Variants in PLCXD3 observed in about 807,000 individuals in gnomAD.
PLCXD3 encodes phosphatidylinositol specific phospholipase C X domain containing 3, also known as PI-PLC X domain-containing protein 3.
PLCXD3 carries 19 observed loss-of-function variants against 25.5 expected under a neutral mutation model. The ratio of observed to expected loss-of-function variants is 0.75; its 90% CI spans 0.52 to 1.09. The LOEUF (loss-of-function observed/expected upper bound fraction) is 1.09. PLCXD3 is among the 50% of genes least tolerant of loss of function. The pLI, the probability that PLCXD3 is intolerant of heterozygous loss-of-function variation, is 0.00. For synonymous variants in PLCXD3, 174 were observed against 137.6 expected, an observed-to-expected ratio of 1.26 and a Z score of -1.85; for missense variants, 411 against 388.1, an observed-to-expected ratio of 1.06 and a Z score of -0.50.
chr5:41,338,070 C>T lies in PLCXD3; in HGVS notation c.813-24300G>A, dbSNP rs550358956. Among the ~76,000 whole-genome samples, 373 of 152,214 alleles carry T rather than the reference C, an allele frequency of 2.5e-3. 2 individuals carry two copies. Among genetic ancestry groups the T allele is most frequent in the African/African-American group, 7.9e-3 (330 of 41,554 alleles). On this transcript the variant is annotated intron_variant, in intron 2 of 2. Coordinates refer to ENST00000377801, the MANE Select transcript of PLCXD3 (RefSeq NM_001005473.3). ...TGTGTCTTAATTTGTAATACATTCT[C>T]CCTCTTCCTTGTATATTTCCTCCTT...
At chr5:41,357,760 A>G (rs1744659481) in intron 2 of PLCXD3, among the ~76,000 whole-genome samples, 1 of 152,234 alleles carries the variant, frequency 6.6e-6, no homozygotes, top group Non-Finnish European at 1.5e-5. Flanking sequence ...CCAAATAAAA[A>G]TAATGATATG....
Position 41,313,095 on chromosome 5 carries a change from C to A in PLCXD3, c.*522G>T, listed in dbSNP as rs1237266744. On this transcript the variant is annotated 3_prime_UTR_variant, in exon 3 of 3. Coordinates refer to ENST00000377801, the MANE Select transcript of PLCXD3 (RefSeq NM_001005473.3). Reference sequence around the variant, plus strand: ...CAGATTTTCTATGACCAAAAATTAGCTATGATTGCCCAACTGTGGATGACT... The same window carrying A: ...CAGATTTTCTATGACCAAAAATTAGATATGATTGCCCAACTGTGGATGACT... The A allele has an allele frequency of 6.5e-6, 1 of 152,834 alleles. No homozygotes were observed. Among genetic ancestry groups the A allele is most frequent in the African/African-American group, 2.4e-5 (1 of 41,444 alleles). 9.5% of individuals were successfully genotyped at this position (152,834 alleles called of 1,614,324 possible).
At chr5:41,444,706 C>A (rs1012019511) in intron 1 of PLCXD3, among the ~76,000 whole-genome samples, 1 of 113,404 alleles carries the variant, frequency 8.8e-6, no homozygotes, top group Non-Finnish European at 2.0e-5. Context: ...GTCAAATGGC[C>A]AATCCCACTT....
intron 2 of PLCXD3, among the ~76,000 whole-genome samples, chr5:41,378,709 G>A (rs1745367926): frequency 6.6e-6 from 1 of 152,004 alleles, no homozygotes; most frequent in Non-Finnish European, 1.5e-5. Flanking sequence ...TATTCCTTAG[G>A]CATTTTACAT....
intron 1 of PLCXD3, among the ~76,000 whole-genome samples, chr5:41,411,225 C>T (rs1187646770): frequency 6.6e-6 from 1 of 152,166 alleles, no homozygotes; most frequent in Non-Finnish European, 1.5e-5. Flanking sequence ...GTATGTCTGG[C>T]ACTATTTCTT....
chr5:41,349,259 G>A (rs1414802966), intron 2 of PLCXD3, among the ~76,000 whole-genome samples: 1 of 152,174 alleles, frequency 6.6e-6, no homozygotes, highest in Non-Finnish European at 1.5e-5. Context: ...GCACTTATTA[G>A]AGGTTGTTAG....
At chr5:41,319,609 G>C (rs1743400633) in intron 2 of PLCXD3, among the ~76,000 whole-genome samples, 1 of 152,040 alleles carries the variant, frequency 6.6e-6, no homozygotes, top group Non-Finnish European at 1.5e-5. Context: ...TACAGCAAAA[G>C]CAGTACTAAG....
chr5:41,492,031 G>A (rs200942217), intron 1 of PLCXD3, among the ~76,000 whole-genome samples: 2,462 of 94,202 alleles, frequency 0.026, 72 homozygotes, highest in East Asian at 0.22. Flanking sequence ...TCCTAGCCTC[G>A]ATGGTCTTTA....
At chr5:41,398,590 C>T (rs76058889) in intron 1 of PLCXD3, among the ~76,000 whole-genome samples, 2,385 of 152,250 alleles carry the variant, frequency 0.016, 63 homozygotes, top group African/African-American at 0.055. Context: ...AATCAACCAA[C>T]ATGGTACGTC....
chr5:41,344,117 C>T (rs1027661402), intron 2 of PLCXD3, among the ~76,000 whole-genome samples: 1 of 152,080 alleles, frequency 6.6e-6, no homozygotes, highest in African/African-American at 2.4e-5. Flanking sequence ...GGAACGATTT[C>T]AGATGGACTT....
intron 1 of PLCXD3, among the ~76,000 whole-genome samples, chr5:41,486,345 C>T (rs1332140147): frequency 6.6e-6 from 1 of 151,996 alleles, no homozygotes; most frequent in African/African-American, 2.4e-5. Flanking sequence ...CTCCCAATCA[C>T]GTGTCACTAT....
At chr5:41,452,463 C>T (rs1004295123) in intron 1 of PLCXD3, among the ~76,000 whole-genome samples, 18 of 152,112 alleles carry the variant, frequency 1.2e-4, no homozygotes, top group Admixed American at 1.2e-3. Context: ...AATGATCCCT[C>T]AGAGCAGGTG....
At chr5:41,421,487 G>A (rs577969920) in intron 1 of PLCXD3, among the ~76,000 whole-genome samples, 2 of 152,018 alleles carry the variant, frequency 1.3e-5, no homozygotes, top group South Asian at 2.1e-4. Flanking sequence ...TGATCACAAG[G>A]TCAGGATATT....
At chr5:41,397,624 A>G (rs1746048950) in intron 1 of PLCXD3, among the ~76,000 whole-genome samples, 1 of 152,136 alleles carries the variant, frequency 6.6e-6, no homozygotes, top group African/African-American at 2.4e-5. Context: ...GAAGAGAGAC[A>G]CAATCCTCCA....
intron 1 of PLCXD3, among the ~76,000 whole-genome samples, chr5:41,431,615 T>C (rs1449542055): frequency 6.6e-6 from 1 of 152,198 alleles, no homozygotes; most frequent in Non-Finnish European, 1.5e-5. Flanking sequence ...TATCACCTTT[T>C]TGTTCTTCAT....
intron 1 of PLCXD3, among the ~76,000 whole-genome samples, chr5:41,410,867 T>C (rs1280109961): frequency 6.6e-6 from 1 of 152,214 alleles, no homozygotes; most frequent in Non-Finnish European, 1.5e-5. Flanking sequence ...GCTAATTGTA[T>C]AAGACGTTGA....
chr5:41,311,872 G>A lies in PLCXD3; in HGVS notation c.*1745C>T, dbSNP rs1743142449. On this transcript the variant is annotated 3_prime_UTR_variant, in exon 3 of 3. Transcript: ENST00000377801. Reference sequence around the variant, plus strand: ...AAGTCTAAGAGATTAAGCCATATGTGCTACATTTAAGTTCATTAAAAGCTG... The same window carrying A: ...AAGTCTAAGAGATTAAGCCATATGTACTACATTTAAGTTCATTAAAAGCTG... 1 of 152,442 alleles carries A rather than the reference G, an allele frequency of 6.6e-6. No homozygotes were observed. The highest frequency in any genetic ancestry group is 1.5e-5 in the Non-Finnish European group (1 of 68,002). 9.4% of individuals were successfully genotyped at this position (152,442 alleles called of 1,614,324 possible).
intron 1 of PLCXD3, among the ~76,000 whole-genome samples, chr5:41,494,170 C>T (rs902255732): frequency 6.6e-6 from 1 of 152,200 alleles, no homozygotes; most frequent in African/African-American, 2.4e-5. Context: ...GTGATCAGAG[C>T]TCACTGGAGC....
chr5:41,491,791 A>T (rs1009943915), intron 1 of PLCXD3, among the ~76,000 whole-genome samples: 3 of 151,880 alleles, frequency 2.0e-5, no homozygotes, highest in African/African-American at 4.8e-5. Context: ...TGCTTGGTAG[A>T]TCTTCCTTCA....
Sources: gnomAD v4.1 joint callset for allele counts (sites outside exome capture counted in the v4.1 genomes callset) on GRCh38, gnomAD v4.1.1 for gene constraint, MANE v1.5 for transcripts, NCBI Gene and HGNC (gene_info 2026-07-23, HGNC 2026-07-21) for gene names.